The following TOR3A variants were observed in gnomAD, a reference collection of about 807,000 sequenced individuals.
TOR3A encodes the protein torsin-3A.
A neutral mutation model predicts 42.1 loss-of-function variants in TOR3A; 44 were observed. The ratio of observed to expected loss-of-function variants is 1.04; its 90% confidence interval spans 0.82 to 1.34. The LOEUF is 1.34. Among genes scored for constraint, TOR3A ranks in the 40% most tolerant of loss-of-function variants. The pLI is 0.00. For missense variants in TOR3A, 521 were observed against 507.6 expected, an observed-to-expected ratio of 1.03 and a Z score of -0.25; for synonymous variants, 227 against 213.2, an observed-to-expected ratio of 1.06 and a Z score of -0.57.
In TOR3A at chr1:179,095,396, TCC is replaced by T; in HGVS notation, c.*179_*180del. ...GGCCTTACATTAGAAGCCAAGCCAA[TCC>T]TTTTTCTTTTTTTTGGAGGTCCCAC... On this transcript the variant is annotated 3_prime_UTR_variant, in exon 6 of 6. Coordinates refer to ENST00000367627, the MANE Select transcript of TOR3A (RefSeq NM_022371.4). 6.9e-7 allele frequency: 1 copy of T among 1,453,282 alleles called. No individual in the cohort carries two copies. Among genetic ancestry groups the T allele is most frequent in the Non-Finnish European group, 9.0e-7 (1 of 1,110,926 alleles). 90.0% of individuals were successfully genotyped at this position (1,453,282 alleles called of 1,614,324 possible). A position where few individuals can be genotyped will look rare whatever the true frequency, so the allele number is the denominator to read the frequency against.
chr1:179,091,373 G>T (rs928278075), intron 4 of TOR3A, among the ~76,000 whole-genome samples: 10 of 152,194 alleles, frequency 6.6e-5, no homozygotes, highest in African/African-American at 2.2e-4. Flanking sequence ...TAGAACGCTG[G>T]TGCCAGAGTG....
rs531652083 is a variant in TOR3A at position 179,095,984 on chromosome 1, G to A, written c.*766G>A. 2 of 985,232 alleles carry A rather than the reference G, an allele frequency of 2.0e-6. No homozygotes were observed. Among genetic ancestry groups the A allele is most frequent in the Non-Finnish European group, 2.4e-6 (2 of 829,874 alleles). The allele number at this position is 985,232 out of a possible 1,614,324, so 61.0% of individuals were successfully genotyped here. ...TAAAGATGATAAGATTAAAATTTTT[G>A]ATTTTCCTAAAATCCTTGGCGTACT... is the stretch of plus-strand genomic sequence containing the variant. On this transcript the variant is annotated 3_prime_UTR_variant, in exon 6 of 6. Transcript: ENST00000367627.
chr1:179,095,433 T>C lies in TOR3A; in HGVS notation c.*215T>C, dbSNP rs16853654. The C allele has an allele frequency of 1.0e-3, 1,414 of 1,402,000 alleles. 6 individuals carry two copies. The African/African-American group carries it at 0.016, about 16-fold the overall frequency. The allele number at this position is 1,402,000 out of a possible 1,614,324, so 86.8% of individuals were successfully genotyped here. ...TTTTTGGAGGTCCCACCGAGATAGA[T>C]AGGAACTTGGATTGCTGAATTCAAA... On this transcript the variant is annotated 3_prime_UTR_variant, in exon 6 of 6. Coordinates refer to ENST00000367627, the MANE Select transcript of TOR3A (RefSeq NM_022371.4).
chr1:179,094,611 G>T (rs1361014040), intron 5 of TOR3A, among the ~76,000 whole-genome samples: 2 of 152,236 alleles, frequency 1.3e-5, no homozygotes, highest in East Asian at 3.9e-4. Flanking sequence ...AGGTGTGGTG[G>T]CTCACACCTG....
At chr1:179,093,080 G>A (rs1652637034) in intron 4 of TOR3A, among the ~76,000 whole-genome samples, 1 of 152,166 alleles carries the variant, frequency 6.6e-6, no homozygotes, top group African/African-American at 2.4e-5. Flanking sequence ...GGAGCTGGTG[G>A]AGCTGGCTGA....
At chr1:179,091,027 T>C (rs1421533431) in intron 4 of TOR3A, among the ~76,000 whole-genome samples, 1 of 152,166 alleles carries the variant, frequency 6.6e-6, no homozygotes, top group African/African-American at 2.4e-5. Context: ...ACAGCTTAGA[T>C]TGGTCCAGTC....
chr1:179,095,371 G>GGCCTT lies in TOR3A; in HGVS notation c.*154_*158dup. 1 of 1,493,514 alleles carries GGCCTT rather than the reference G, an allele frequency of 6.7e-7. No individual in the cohort carries two copies. Among genetic ancestry groups the GGCCTT allele is most frequent in the Non-Finnish European group, 8.8e-7 (1 of 1,130,482 alleles). 92.5% of individuals were successfully genotyped at this position (1,493,514 alleles called of 1,614,324 possible). A position where few individuals can be genotyped will look rare whatever the true frequency, so the allele number is the denominator to read the frequency against. ...ACACACAACTGGTGTGTAAAAGGCA[G>GGCCTT]GCCTTACATTAGAAGCCAAGCCAAT... On this transcript the variant is annotated 3_prime_UTR_variant, in exon 6 of 6. Coordinates refer to ENST00000367627, the MANE Select transcript of TOR3A (RefSeq NM_022371.4).
In TOR3A at chr1:179,094,992, T is replaced by C. The variant is rs555533443; in HGVS notation, c.968T>C (p.Leu323Pro). The change falls in exon 6 of 6, where the codon CTT (leucine) becomes CCT (proline). Residue 323 changes from leucine (L) to proline (P), a missense_variant. Transcript: ENST00000367627. Reference protein sequence around the residue: ...TIDNGFGHSRLVKENLIDYFI... With the variant: ...TIDNGFGHSRPVKENLIDYFI... ...GACAATGGCTTTGGCCACAGCCGTC[T>C]TGTGAAGGAAAACCTGATTGACTAC... 3.1e-6 allele frequency: 5 copies of C among 1,614,218 alleles called. No individual in the cohort carries two copies. The highest frequency in any genetic ancestry group is 2.7e-5 in the African/African-American group (2 of 75,052).
At chr1:179,086,572 C>A (rs1032176805) in intron 3 of TOR3A, among the ~76,000 whole-genome samples, 5 of 150,856 alleles carry the variant, frequency 3.3e-5, no homozygotes, top group Admixed American at 1.3e-4. Context: ...AGGCTGAGGC[C>A]GGAGAATGGC....
chr1:179,094,077 CTCT>C lies in TOR3A; in HGVS notation c.819-14_819-12del, dbSNP rs1557889655. On this transcript the variant is annotated splice_polypyrimidine_tract_variant and intron_variant, in intron 4 of 5. Coordinates refer to ENST00000367627, the MANE Select transcript of TOR3A (RefSeq NM_022371.4). ...AAATATAAACAAATGGGTTAACAAG[CTCT>C]TGTCTCTTTCAGTAATCTCAGGGGC... 1.2e-6 allele frequency: 2 copies of C among 1,610,040 alleles called. No individual in the cohort carries two copies. The highest frequency in any genetic ancestry group is 1.7e-6 in the Non-Finnish European group (2 of 1,178,416).
intron 4 of TOR3A, among the ~76,000 whole-genome samples, chr1:179,089,604 A>C (rs769729717): frequency 2.4e-4 from 37 of 152,244 alleles, no homozygotes; most frequent in South Asian, 8.3e-4. Flanking sequence ...AGCCGGGCTC[A>C]CCTCTCCTCC....
Position 179,082,152 on chromosome 1 carries a change from G to A in TOR3A, c.24G>A (p.Gln8=). 2.0e-6 allele frequency: 3 copies of A among 1,510,496 alleles called. No individual in the cohort carries two copies. The highest frequency in any genetic ancestry group is 2.1e-5 in the Admixed American group (1 of 48,590). 93.6% of individuals were successfully genotyped at this position (1,510,496 alleles called of 1,614,324 possible). A position where few individuals can be genotyped will look rare whatever the true frequency, so the allele number is the denominator to read the frequency against. Residue 8 remains glutamine, a synonymous_variant, in exon 1 of 6, where the codon CAG becomes CAA. Transcript: ENST00000367627. The part of the protein sequence containing the change: MLRGPWR[Q]LWLFFLLLLP... Reference sequence around the variant, plus strand: ...CCATGCTTCGCGGTCCGTGGCGCCAGCTTTGGCTCTTTTTCCTGCTGCTGC... The same window carrying A: ...CCATGCTTCGCGGTCCGTGGCGCCAACTTTGGCTCTTTTTCCTGCTGCTGC...
intron 4 of TOR3A, among the ~76,000 whole-genome samples, chr1:179,092,738 G>A (rs1217450286): frequency 6.6e-6 from 1 of 152,154 alleles, no homozygotes; most frequent in Non-Finnish European, 1.5e-5. Flanking sequence ...CTACTTGGGA[G>A]GCTGAGGCAG....
chr1:179,090,117 G>T (rs998561395), intron 4 of TOR3A, among the ~76,000 whole-genome samples: 27 of 139,870 alleles, frequency 1.9e-4, no homozygotes, highest in African/African-American at 3.0e-4. Context: ...GGGGTGGGGG[G>T]GGGGGCCTGC....
rs776647339 is a variant in TOR3A at position 179,085,611 on chromosome 1, C to T, written c.374-17C>T. ...TGTGTGTGCCTTTTGCTGTGACTAC[C>T]TCTTTCCTGTCCTTAGGCTTAGAGT... On this transcript the variant is annotated splice_polypyrimidine_tract_variant and intron_variant, in intron 2 of 5. Transcript: ENST00000367627. 58 of 1,611,470 alleles carry T rather than the reference C, an allele frequency of 3.6e-5. No homozygotes were observed. Among genetic ancestry groups the T allele is most frequent in the Non-Finnish European group, 4.7e-5 (55 of 1,177,898 alleles).
chr1:179,090,953 A>G (rs1652564789), intron 4 of TOR3A, among the ~76,000 whole-genome samples: 1 of 152,208 alleles, frequency 6.6e-6, no homozygotes, highest in South Asian at 2.1e-4. Context: ...TTATTTGTGG[A>G]GTCGTGGTGG....
At chr1:179,093,578 C>A (rs1258761259) in intron 4 of TOR3A, among the ~76,000 whole-genome samples, 3 of 152,232 alleles carry the variant, frequency 2.0e-5, no homozygotes, top group Non-Finnish European at 4.4e-5. Flanking sequence ...AAATGGCAGA[C>A]AAAGCCCTCC....
Position 179,095,236 on chromosome 1 carries a change from C to T in TOR3A, c.*18C>T. On this transcript the variant is annotated 3_prime_UTR_variant, in exon 6 of 6. Transcript: ENST00000367627. ...TGTCATGAAGGCTAGAGGAAGACTT[C>T]CTGGAACTGCCTTTCTTCCACTAAC... 2 of 1,612,748 alleles carry T rather than the reference C, an allele frequency of 1.2e-6. No individual in the cohort carries two copies. The highest frequency in any genetic ancestry group is 3.3e-5 in the Admixed American group (2 of 59,978).
chr1:179,094,329 C>A lies in TOR3A; in HGVS notation c.943+112C>A, dbSNP rs961221480. The A allele has an allele frequency of 5.2e-6, 7 of 1,348,532 alleles. No individual in the cohort carries two copies. In the African/African-American group the frequency reaches 7.3e-5, roughly 14 times the overall value. The allele number at this position is 1,348,532 out of a possible 1,614,324, so 83.5% of individuals were successfully genotyped here. A position where few individuals can be genotyped will look rare whatever the true frequency, so the allele number is the denominator to read the frequency against. Reference sequence around the variant, plus strand: ...ACAGGGTACTTGGGAACACAGAGGGCAGACTATAATCATCTCACATTGTCA... The same window carrying A: ...ACAGGGTACTTGGGAACACAGAGGGAAGACTATAATCATCTCACATTGTCA... On this transcript the variant is annotated intron_variant, in intron 5 of 5. Coordinates refer to ENST00000367627, the MANE Select transcript of TOR3A (RefSeq NM_022371.4).
Sources: allele counts gnomAD v4.1 joint callset (sites outside exome capture counted in the v4.1 genomes callset), GRCh38; gene constraint gnomAD v4.1.1; transcripts MANE v1.5; gene names NCBI Gene and HGNC (gene_info 2026-07-23, HGNC 2026-07-21).